Variants in ATP8A2 observed in about 807,000 individuals in gnomAD.
ATP8A2 encodes ATPase phospholipid transporting 8A2.
In ATP8A2, 100 loss-of-function variants were observed where a neutral mutation model predicts 165.6. The observed-to-expected ratio is 0.60, with a 90% CI of 0.51 to 0.71. ATP8A2 has a LOEUF of 0.71. ATP8A2 is among the 30% of genes least tolerant of loss of function. ATP8A2 has a pLI of 0.00. For synonymous variants in ATP8A2, 543 were observed against 548.8 expected (o/e 0.99, Z 0.15); for missense variants, 1,227 against 1,479.5 (o/e 0.83, Z 2.80).
intron 24 of ATP8A2, among the ~76,000 whole-genome samples, chr13:25,638,889 C>G (rs530953194): frequency 6.6e-6 from 1 of 152,302 alleles, no homozygotes; most frequent in Admixed American, 6.5e-5. Context: ...AGAAACCCAT[C>G]AGACTAACAG....
chr13:25,919,313 A>C (rs1954369314), intron 33 of ATP8A2, among the ~76,000 whole-genome samples: 1 of 152,352 alleles, frequency 6.6e-6, no homozygotes, highest in South Asian at 2.1e-4. Flanking sequence ...GATGTCAGCC[A>C]GGGATAGCCA....
intron 24 of ATP8A2, among the ~76,000 whole-genome samples, chr13:25,657,759 T>G (rs754166304): frequency 3.3e-5 from 5 of 152,234 alleles, no homozygotes; most frequent in Non-Finnish European, 7.3e-5. Context: ...ACATATTATG[T>G]AATGCTTGAC....
chr13:25,403,053 C>T (rs2138026313), intron 1 of ATP8A2, among the ~76,000 whole-genome samples: 1 of 152,308 alleles, frequency 6.6e-6, no homozygotes, highest in African/African-American at 2.4e-5. Flanking sequence ...GAACAGAGAC[C>T]TCATGACCTA....
chr13:25,776,549 T>C (rs936871565), intron 27 of ATP8A2, among the ~76,000 whole-genome samples: 3 of 152,214 alleles, frequency 2.0e-5, no homozygotes, highest in Non-Finnish European at 2.9e-5. Context: ...CTTGTAGATA[T>C]TGGTGTAAGA....
At chr13:25,797,429 C>T (rs776312846) in intron 27 of ATP8A2, among the ~76,000 whole-genome samples, 1 of 151,646 alleles carries the variant, frequency 6.6e-6, no homozygotes, top group Non-Finnish European at 1.5e-5. Context: ...TATGTATCCA[C>T]GAAAACTAAA....
chr13:25,840,670 T>C (rs1393895193), intron 30 of ATP8A2, among the ~76,000 whole-genome samples: 1 of 152,236 alleles, frequency 6.6e-6, no homozygotes, highest in Admixed American at 6.5e-5. Context: ...TGATTCATCT[T>C]TACTCAGTGG....
At chr13:25,958,158 G>T (rs543752866) in intron 33 of ATP8A2, among the ~76,000 whole-genome samples, 5 of 151,956 alleles carry the variant, frequency 3.3e-5, no homozygotes, top group African/African-American at 1.2e-4. Context: ...GGGAAGGATA[G>T]CATTAGGAGA....
At chr13:25,489,057 GC>G in intron 2 of ATP8A2, among the ~76,000 whole-genome samples, 1 of 152,066 alleles carries the variant, frequency 6.6e-6, no homozygotes, top group East Asian at 1.9e-4. Flanking sequence ...TGTTTTCATG[GC>G]ACTGGCGCTG....
intron 24 of ATP8A2, among the ~76,000 whole-genome samples, chr13:25,627,918 C>G (rs2041143581): frequency 6.6e-6 from 1 of 152,104 alleles, no homozygotes; most frequent in African/African-American, 2.4e-5. Flanking sequence ...GTGCTATGAG[C>G]CAGATGCAAG....
intron 16 of ATP8A2, 99 bp from the exon 17 acceptor site, chr13:25,570,668 C>A: frequency 1.1e-6 from 1 of 924,850 alleles, no homozygotes; most frequent in Non-Finnish European, 1.7e-6. Context: ...CTACAGGGAG[C>A]AATAGGATGA....
intron 2 of ATP8A2, among the ~76,000 whole-genome samples, chr13:25,474,715 A>G (rs193130943): frequency 1.3e-5 from 2 of 151,348 alleles, no homozygotes; most frequent in African/African-American, 2.4e-5. Context: ...GTTTTAATTT[A>G]TATTTTAGGT....
intron 24 of ATP8A2, among the ~76,000 whole-genome samples, chr13:25,680,159 C>A (rs1413732112): frequency 6.6e-6 from 1 of 152,014 alleles, no homozygotes; most frequent in African/African-American, 2.4e-5. Flanking sequence ...GAGTCCTAAA[C>A]CCCCCTGCAC....
intron 30 of ATP8A2, among the ~76,000 whole-genome samples, chr13:25,857,212 C>T (rs1952192346): frequency 6.6e-6 from 1 of 152,166 alleles, no homozygotes; most frequent in Non-Finnish European, 1.5e-5. Context: ...AGACTCTGCA[C>T]AGTTTCTCTC....
chr13:25,682,891 A>G (rs1473836584), intron 24 of ATP8A2, among the ~76,000 whole-genome samples: 1 of 152,154 alleles, frequency 6.6e-6, no homozygotes, highest in African/African-American at 2.4e-5. Flanking sequence ...CTGGTTTCAC[A>G]TACATTTATG....
chr13:25,454,898 GC>G (rs1566145338), intron 1 of ATP8A2, among the ~76,000 whole-genome samples: 1 of 152,196 alleles, frequency 6.6e-6, no homozygotes, highest in African/African-American at 2.4e-5. Context: ...CTCCAGCCTC[GC>G]CGACAGAGTG....
intron 24 of ATP8A2, among the ~76,000 whole-genome samples, chr13:25,633,302 G>A (rs764335415): frequency 1.3e-5 from 2 of 152,070 alleles, no homozygotes; most frequent in Admixed American, 6.5e-5. Flanking sequence ...TACCCTACAT[G>A]CAGTGCTCGG....
At chr13:25,880,171 A>G (rs2138848487) in intron 33 of ATP8A2, among the ~76,000 whole-genome samples, 1 of 152,348 alleles carries the variant, frequency 6.6e-6, no homozygotes, top group East Asian at 1.9e-4. Flanking sequence ...GAAATTGACT[A>G]CATGTAATCA....
At chr13:25,677,168 T>C (rs2042389742) in intron 24 of ATP8A2, among the ~76,000 whole-genome samples, 1 of 152,178 alleles carries the variant, frequency 6.6e-6, no homozygotes, top group South Asian at 2.1e-4. Flanking sequence ...CCCACTGTGG[T>C]CTCTGCTAGC....
intron 33 of ATP8A2, among the ~76,000 whole-genome samples, chr13:25,864,251 C>T (rs577941151): frequency 4.6e-5 from 7 of 151,034 alleles, no homozygotes; most frequent in South Asian, 2.1e-4. Context: ...GCTGACAGGA[C>T]GGGGTCGCTT....
Sources: gnomAD v4.1 joint callset for allele counts (sites outside exome capture counted in the v4.1 genomes callset) on GRCh38, gnomAD v4.1.1 for gene constraint, MANE v1.5 for transcripts, NCBI Gene and HGNC (gene_info 2026-07-23, HGNC 2026-07-21) for gene names.